PSTPIP1: variants seen among roughly 807,000 people sequenced by gnomAD.
PSTPIP1 encodes the protein proline-serine-threonine phosphatase interacting protein 1.
PSTPIP1 carries 66 observed loss-of-function variants against 69.6 expected under a neutral mutation model. The ratio of observed to expected loss-of-function variants is 0.95; its 90% CI spans 0.78 to 1.16. PSTPIP1 has a LOEUF of 1.16. Ranked by LOEUF, PSTPIP1 falls within the 50% of genes most tolerant of loss-of-function variation. The pLI is 0.00. For missense variants in PSTPIP1, 603 were observed against 557.4 expected, an observed-to-expected ratio of 1.08 and a Z score of -0.82; for synonymous variants, 266 against 222.7, an observed-to-expected ratio of 1.19 and a Z score of -1.73.
chr15:77,011,664 C>T (rs1596068073), intron 1 of PSTPIP1, among the ~76,000 whole-genome samples: 1 of 152,342 alleles, frequency 6.6e-6, no homozygotes, highest in East Asian at 1.9e-4. Context: ...TCATCTTCAT[C>T]CCATATTTAT....
At chr15:77,007,146 G>T (rs1322342986) in intron 1 of PSTPIP1, among the ~76,000 whole-genome samples, 1 of 152,126 alleles carries the variant, frequency 6.6e-6, no homozygotes, top group African/African-American at 2.4e-5. Context: ...CCCCAAGAAG[G>T]TCCATCTATG....
At chr15:77,035,709 C>T in intron 13 of PSTPIP1, 93 bp from the exon 14 acceptor site, 2 of 1,493,522 alleles carry the variant, frequency 1.3e-6, no homozygotes, top group East Asian at 4.8e-5. Flanking sequence ...AAGGAAGAGG[C>T]AGGGCCCAGC....
rs555820675 is a variant in PSTPIP1, at chr15:77,022,520, T to C, written c.213-2764T>C. ...TGCGATGGAGACACAGTAGAGGTGCTCAGGGAGATCTTGACAGTTTCCCTG... is the reference window on the plus strand; with the variant it reads ...TGCGATGGAGACACAGTAGAGGTGCCCAGGGAGATCTTGACAGTTTCCCTG... On this transcript the variant is annotated intron_variant, in intron 3 of 14. Transcript: ENST00000558012. 2.0e-3 allele frequency among the ~76,000 whole-genome samples: 302 copies of C among 152,300 alleles called. 2 individuals are homozygous for C. The highest frequency in any genetic ancestry group is 7.0e-3 in the African/African-American group (293 of 41,566).
chr15:77,004,509 G>T (rs2075775563), intron 1 of PSTPIP1, among the ~76,000 whole-genome samples: 1 of 152,168 alleles, frequency 6.6e-6, no homozygotes, highest in African/African-American at 2.4e-5. Flanking sequence ...GAGCATGCCT[G>T]CGTGGCTAGA....
At chr15:77,031,376 C>T (rs2076412852) in intron 10 of PSTPIP1, 98 bp downstream of exon 10, 1 of 1,327,328 alleles carries the variant, frequency 7.5e-7, no homozygotes, top group Non-Finnish European at 1.1e-6. Flanking sequence ...ACCTGGTCCT[C>T]TGTGATCCAA....
chr15:77,036,252 ACCTATGCCGTC>A (rs374042149), intron 14 of PSTPIP1, among the ~76,000 whole-genome samples: 1 of 152,104 alleles, frequency 6.6e-6, no homozygotes, highest in African/African-American at 2.4e-5. Flanking sequence ...GAGCACATGT[ACCTATGCCGTC>A]CACACAGGCT....
chr15:77,029,131 A>G (rs1264687610), intron 7 of PSTPIP1, among the ~76,000 whole-genome samples: 1 of 152,234 alleles, frequency 6.6e-6, no homozygotes, highest in Admixed American at 6.5e-5. Flanking sequence ...CAGAGCTCCC[A>G]GAGCCCAGGA....
intron 3 of PSTPIP1, among the ~76,000 whole-genome samples, chr15:77,024,786 G>T (rs992822404): frequency 8.9e-5 from 13 of 145,958 alleles, no homozygotes; most frequent in Non-Finnish European, 1.4e-4. Flanking sequence ...CAACTCCTGC[G>T]CCCTGCCCTG....
intron 1 of PSTPIP1, chr15:77,007,811 GT>G: frequency 2.3e-6 from 1 of 430,494 alleles, no homozygotes; most frequent in South Asian, 1.6e-5. Context: ...AGCCAGGATG[GT>G]CTCGATCTCC....
intron 3 of PSTPIP1, among the ~76,000 whole-genome samples, chr15:77,024,769 C>A (rs1190199439): frequency 2.0e-5 from 3 of 148,732 alleles, no homozygotes; most frequent in East Asian, 4.2e-4. Context: ...AGACAGTGCC[C>A]ACCTCTCAAC....
intron 11 of PSTPIP1, 108 bp downstream of exon 11, chr15:77,032,502 C>T: frequency 2.5e-6 from 3 of 1,199,880 alleles, no homozygotes; most frequent in Non-Finnish European, 3.6e-6. Context: ...CTCACAGCTC[C>T]CTTCAGGGCA....
chr15:77,027,283 G>A lies in PSTPIP1; in HGVS notation c.355-569G>A, dbSNP rs2076301533. ...TCAGAACAGGAAGCCTGGGAGGTGA[G>A]GGGAGGCTTTGGCCCCAGACCTCGG... On this transcript the variant is annotated intron_variant, in intron 5 of 14. Coordinates refer to ENST00000558012, the MANE Select transcript of PSTPIP1 (RefSeq NM_003978.5). The surrounding 1 kb of genome is among the most constrained non-coding windows in gnomAD (Gnocchi z 4.3). 6.6e-6 allele frequency among the ~76,000 whole-genome samples: 1 copy of A among 152,204 alleles called. No individual in the cohort carries two copies. The highest frequency in any genetic ancestry group is 2.4e-5 in the African/African-American group (1 of 41,454).
rs755840747 is a variant in PSTPIP1 at position 77,035,886 on chromosome 15, C to G, written c.1070C>G (p.Pro357Arg). Residue 357 changes from proline to arginine, a missense_variant, in exon 14 of 15, where the codon CCG becomes CGG. Physicochemically the swap from Pro to Arg is moderately radical, Grantham distance 103 (BLOSUM62 -2). Coordinates refer to ENST00000558012, the MANE Select transcript of PSTPIP1 (RefSeq NM_003978.5). ...GCAGTGCAGGAGATACAGGGAAACC[C>G]GGCCTCACCAGCCCAGGAGTACCGG... The part of the protein sequence containing the change: ...AIAVQEIQGN[P>R]ASPAQEYRAL... 6.2e-7 allele frequency: 1 copy of G among 1,610,220 alleles called. No homozygotes were observed. Among genetic ancestry groups the G allele is most frequent in the East Asian group, 2.2e-5 (1 of 44,822 alleles).
rs778695339 is a variant in PSTPIP1 at position 77,032,344 on chromosome 15, C to T, written c.788C>T (p.Ala263Val). 6.2e-7 allele frequency: 1 copy of T among 1,612,636 alleles called. No homozygotes were observed. The highest frequency in any genetic ancestry group is 8.5e-7 in the Non-Finnish European group (1 of 1,179,772). Residue 263 changes from alanine (A) to valine (V), a missense_variant, in exon 11 of 15, where the codon GCC (alanine) becomes GTC (valine). Coordinates refer to ENST00000558012, the MANE Select transcript of PSTPIP1 (RefSeq NM_003978.5). ...RLTLEGCSID[A>V]DIDSFIQAKS... is the part of the protein sequence containing the mutation. ...ACGCTGGAAGGCTGCAGCATAGACG[C>T]CGACATCGACAGTTTCATCCAGGCC...
chr15:77,011,294 G>A (rs2075929816), intron 1 of PSTPIP1, among the ~76,000 whole-genome samples: 2 of 152,226 alleles, frequency 1.3e-5, no homozygotes, highest in Admixed American at 1.3e-4. Context: ...TCCCTTCAGT[G>A]GGACCCCTGG....
chr15:77,035,365 C>T (rs899813087), intron 12 of PSTPIP1, 143 bp from the exon 13 acceptor site: 11 of 847,638 alleles, frequency 1.3e-5, no homozygotes, highest in Admixed American at 7.0e-5. Flanking sequence ...TCATAAATGA[C>T]ATCCATGCCT....
At chr15:77,021,507 C>A (rs546356100) in intron 3 of PSTPIP1, among the ~76,000 whole-genome samples, 25 of 152,174 alleles carry the variant, frequency 1.6e-4, no homozygotes, top group Middle Eastern at 3.4e-3. Flanking sequence ...GGTGAAACCC[C>A]GTCTCTATCA....
intron 12 of PSTPIP1, 109 bp from the exon 13 acceptor site, chr15:77,035,399 C>T (rs2076535125): frequency 8.3e-7 from 1 of 1,202,380 alleles, no homozygotes. Flanking sequence ...AGTCCCAGCC[C>T]TGGCAGAGCG....
chr15:77,012,976 C>T (rs2075976133), intron 1 of PSTPIP1, among the ~76,000 whole-genome samples: 1 of 152,130 alleles, frequency 6.6e-6, no homozygotes, highest in Admixed American at 6.5e-5. Flanking sequence ...AGTGGGGAAC[C>T]TGAAAGACCC....
Sources: allele counts gnomAD v4.1 joint callset (sites outside exome capture counted in the v4.1 genomes callset), GRCh38; gene constraint gnomAD v4.1.1; non-coding constraint Gnocchi (gnomAD v3.1); transcripts MANE v1.5; gene names NCBI Gene and HGNC (gene_info 2026-07-23, HGNC 2026-07-21).